The following PPP2R3C variants were observed in gnomAD, a reference collection of about 807,000 sequenced individuals.
The protein encoded by PPP2R3C is protein phosphatase 2 regulatory subunit B''gamma.
PPP2R3C carries 47 observed loss-of-function variants against 63.7 expected under a neutral mutation model. The ratio of observed to expected loss-of-function variants is 0.74; its 90% CI spans 0.58 to 0.94. The LOEUF (loss-of-function observed/expected upper bound fraction) is 0.94. Among genes scored for constraint, PPP2R3C ranks in the 40% least tolerant of loss-of-function variants. The pLI is 0.00. For missense variants in PPP2R3C, 421 were observed against 518.4 expected (o/e 0.81, Z 1.82); for synonymous variants, 180 against 177.4 (o/e 1.01, Z -0.12).
At chr14:35,088,837 C>T (rs1595072452) in intron 11 of PPP2R3C, among the ~76,000 whole-genome samples, 1 of 152,258 alleles carries the variant, frequency 6.6e-6, no homozygotes, top group African/African-American at 2.4e-5. Flanking sequence ...TACCTTATCC[C>T]ATATAACCAA....
At chr14:35,114,389 A>C (rs1173801335) in intron 2 of PPP2R3C, among the ~76,000 whole-genome samples, 1 of 152,194 alleles carries the variant, frequency 6.6e-6, no homozygotes, top group African/African-American at 2.4e-5. Context: ...TCCAATAAAA[A>C]ATGTTCGGTT....
At chr14:35,116,880 A>G in intron 1 of PPP2R3C, 143 bp from the exon 2 acceptor site, 1 of 657,376 alleles carries the variant, frequency 1.5e-6, no homozygotes, top group Non-Finnish European at 2.3e-6. Context: ...GACACTGAGC[A>G]TATTAACTTT....
chr14:35,121,747 G>C, intron 1 of PPP2R3C, 155 bp downstream of exon 1: 1 of 806,064 alleles, frequency 1.2e-6, no homozygotes, highest in Admixed American at 2.8e-5. Flanking sequence ...AAACCTATCG[G>C]GATCCTTAAA....
chr14:35,114,480 G>A (rs914376464), intron 2 of PPP2R3C, among the ~76,000 whole-genome samples: 4 of 152,150 alleles, frequency 2.6e-5, no homozygotes, highest in African/African-American at 9.7e-5. Flanking sequence ...AAGAACACCA[G>A]CTAAATCATT....
Position 35,110,575 on chromosome 14 carries a change from C to T in PPP2R3C, c.241G>A (p.Val81Ile), listed in dbSNP as rs1437725780. The T allele has an allele frequency of 2.5e-6, 4 of 1,612,730 alleles. No individual in the cohort carries two copies. The highest frequency in any genetic ancestry group is 2.2e-5 in the East Asian group (1 of 44,854). The change falls in exon 3 of 13, where the codon GTC (valine) becomes ATC (isoleucine). Residue 81 changes from valine (V) to isoleucine (I), a missense_variant. Val to Ile is a conservative substitution (Grantham distance 29). Coordinates refer to ENST00000261475, the MANE Select transcript of PPP2R3C (RefSeq NM_017917.4). ...TCTCTGCTTTTTCTTTGTAGAAAGA[C>T]AGCTCTTGATTCCTCTCTTAATTTC... ...LQKLREESRAVFLQRKSRELL... is the reference protein window; with the variant it reads ...LQKLREESRAIFLQRKSRELL...
rs147970181 is a variant in PPP2R3C, at chr14:35,085,611, A to G, written c.1341T>C (p.Ser447=). Residue 447 remains serine (S), a synonymous_variant, in exon 13 of 13, where the codon TCT becomes TCC. Coordinates refer to ENST00000261475, the MANE Select transcript of PPP2R3C (RefSeq NM_017917.4). ...EALVANDSEN[S]ADLDDT ...GAGATCATGTATCATCAAGGTCTGC[A>G]GAGTTTTCACTGTCATTTGCAACAA... The G allele has an allele frequency of 3.7e-6, 6 of 1,610,894 alleles. No homozygotes were observed. The African/African-American group carries it at 8.0e-5, about 22-fold the overall frequency.
At chr14:35,091,308 A>G in intron 10 of PPP2R3C, 101 bp from the exon 11 acceptor site, 1 of 1,169,742 alleles carries the variant, frequency 8.5e-7, no homozygotes, top group Non-Finnish European at 1.2e-6. Flanking sequence ...AAGGTGGCAA[A>G]TTTAATTTTT....
chr14:35,116,323 C>T (rs995357813), intron 2 of PPP2R3C, among the ~76,000 whole-genome samples: 4 of 152,084 alleles, frequency 2.6e-5, no homozygotes, highest in Non-Finnish European at 5.9e-5. Flanking sequence ...ACAATCACGG[C>T]TCACTGCTGC....
chr14:35,094,064 T>TA (rs1297005019), intron 10 of PPP2R3C, among the ~76,000 whole-genome samples: 19 of 152,244 alleles, frequency 1.2e-4, no homozygotes, highest in African/African-American at 4.6e-4. Flanking sequence ...TTCTAGAGAC[T>TA]AATACAACCT....
At chr14:35,108,281 G>T (rs776400760) in intron 4 of PPP2R3C, 45 bp from the exon 5 acceptor site, 2 of 1,521,290 alleles carry the variant, frequency 1.3e-6, no homozygotes, top group Non-Finnish European at 8.7e-7. Context: ...CAACATAAAA[G>T]AAAATGACTT....
At chr14:35,095,802 G>T (rs1364467322) in intron 9 of PPP2R3C, among the ~76,000 whole-genome samples, 1 of 130,390 alleles carries the variant, frequency 7.7e-6, no homozygotes, top group Non-Finnish European at 1.5e-5. Flanking sequence ...AGTGAGCCGA[G>T]ATCATGCCAC....
intron 4 of PPP2R3C, among the ~76,000 whole-genome samples, chr14:35,108,660 C>T (rs1480529992): frequency 1.3e-5 from 2 of 151,972 alleles, no homozygotes; most frequent in Non-Finnish European, 2.9e-5. Flanking sequence ...TACAATAATA[C>T]TTGGGAGGCT....
chr14:35,100,121 A>C (rs2046138529), intron 6 of PPP2R3C: 2 of 151,264 alleles, frequency 1.3e-5, no homozygotes, highest in Non-Finnish European at 2.9e-5. Context: ...CAGTTATTCC[A>C]TACTGACTCT....
At chr14:35,088,111 G>A (rs2138596372) in intron 11 of PPP2R3C, 101 bp from the exon 12 acceptor site, 1 of 815,512 alleles carries the variant, frequency 1.2e-6, no homozygotes, top group East Asian at 2.7e-5. Flanking sequence ...TTCCTATCAG[G>A]CCACAAACCT....
At chr14:35,095,504 C>T (rs1038087083) in intron 9 of PPP2R3C, among the ~76,000 whole-genome samples, 3 of 152,046 alleles carry the variant, frequency 2.0e-5, no homozygotes, top group Middle Eastern at 3.4e-3. Context: ...TAGAGGCCAA[C>T]AAAAAGCACT....
At chr14:35,110,791 G>T in intron 2 of PPP2R3C, 162 bp from the exon 3 acceptor site, 1 of 558,376 alleles carries the variant, frequency 1.8e-6, no homozygotes, top group Non-Finnish European at 3.1e-6. Context: ...GATCCACAGA[G>T]AATCGGTGAT....
intron 1 of PPP2R3C, among the ~76,000 whole-genome samples, chr14:35,119,490 A>C (rs1299015079): frequency 2.0e-5 from 3 of 151,672 alleles, no homozygotes; most frequent in Admixed American, 2.0e-4. Context: ...GTGGTGCACA[A>C]CCACCCGGGC....
chr14:35,098,139 ACT>A (rs1491552330), intron 7 of PPP2R3C, among the ~76,000 whole-genome samples: 1 of 151,710 alleles, frequency 6.6e-6, no homozygotes, highest in African/African-American at 2.4e-5. Context: ...TTCAAAAAAC[ACT>A]GTCAGCTACC....
intron 12 of PPP2R3C, chr14:35,086,230 C>A (rs1275799090): frequency 6.5e-6 from 1 of 154,964 alleles, no homozygotes; most frequent in Non-Finnish European, 1.4e-5. Context: ...TGGAGTCTCA[C>A]TCTGTCATCC....
Sources: gnomAD v4.1 joint callset for allele counts (sites outside exome capture counted in the v4.1 genomes callset) on GRCh38, gnomAD v4.1.1 for gene constraint, MANE v1.5 for transcripts, NCBI Gene and HGNC (gene_info 2026-07-23, HGNC 2026-07-21) for gene names.